ARHGEF4: variants seen among roughly 807,000 people sequenced by gnomAD.
ARHGEF4 encodes the protein APC-stimulated guanine nucleotide exchange factor 1.
In ARHGEF4, 119 loss-of-function variants were observed where a neutral mutation model predicts 162.0. The ratio of observed to expected loss-of-function variants is 0.73; its 90% confidence interval spans 0.63 to 0.86. The LOEUF (loss-of-function observed/expected upper bound fraction) is 0.86. Ranked by LOEUF, ARHGEF4 falls within the 40% of genes least tolerant of loss-of-function variation. ARHGEF4 has a pLI of 0.00. For synonymous variants in ARHGEF4, 1,014 were observed against 979.9 expected, an observed-to-expected ratio of 1.03 and a Z score of -0.65; for missense variants, 2,488 against 2,456.0, an observed-to-expected ratio of 1.01 and a Z score of -0.28.
At position 130,917,124 on chromosome 2, in the gene ARHGEF4, C is replaced by G. The variant is rs150760589; in HGVS notation, c.3178C>G (p.Arg1060Gly). Residue 1060 changes from arginine (R) to glycine (G), a missense_variant, in exon 2 of 14, where the codon CGG (arginine) becomes GGG (glycine). Physicochemically the swap from Arg to Gly is moderately radical, Grantham distance 125. Around this residue, in one of 6 missense-constraint regions of ARHGEF4, gnomAD observed 1,642 missense variants for 1,481.5 expected, o/e 1.11. Transcript: ENST00000409359. ...KSWLASPGSP[R>G]AQQAGIAHTL... The stretch of plus-strand genomic sequence containing the variant: ...CTGGCTGGCGTCCCCCGGCAGCCCT[C>G]GGGCCCAGCAGGCTGGAATCGCACA... 6.4e-7 allele frequency: 1 copy of G among 1,550,440 alleles called. No individual in the cohort carries two copies. The highest frequency in any genetic ancestry group is 1.4e-5 in the African/African-American group (1 of 73,168).
intron 3 of ARHGEF4, among the ~76,000 whole-genome samples, chr2:130,931,867 C>T (rs1682653169): frequency 6.6e-6 from 1 of 152,164 alleles, no homozygotes; most frequent in Non-Finnish European, 1.5e-5. Flanking sequence ...TTGTGAAGTA[C>T]ACATCTCTGA....
intron 4 of ARHGEF4, among the ~76,000 whole-genome samples, chr2:130,982,759 CCTTA>C (rs1686218620): frequency 6.6e-6 from 1 of 152,146 alleles, no homozygotes; most frequent in African/African-American, 2.4e-5. Flanking sequence ...CATCTCTCTC[CCTTA>C]CTTACTGATT....
At chr2:130,837,824 AG>A in intron 1 of ARHGEF4, 1 of 63,418 alleles carries the variant, frequency 1.6e-5, no homozygotes, top group Non-Finnish European at 2.9e-5. Context: ...CTGCAGGTCC[AG>A]GGGGAGGCAG....
intron 2 of ARHGEF4, among the ~76,000 whole-genome samples, chr2:130,920,268 C>T (rs1310966185): frequency 9.2e-5 from 14 of 152,252 alleles, no homozygotes; most frequent in Admixed American, 9.2e-4. Flanking sequence ...GCCACCACAC[C>T]CAGATAATTT....
intron 1 of ARHGEF4, among the ~76,000 whole-genome samples, chr2:130,902,572 C>T (rs1164446351): frequency 1.3e-5 from 2 of 150,410 alleles, no homozygotes; most frequent in East Asian, 1.9e-4. Context: ...CCAGCCTGAG[C>T]GACAGAGCGA....
chr2:131,021,076 C>T (rs1400976180), intron 4 of ARHGEF4, among the ~76,000 whole-genome samples: 1 of 152,008 alleles, frequency 6.6e-6, no homozygotes, highest in African/African-American at 2.4e-5. Context: ...ATTGTAGATT[C>T]TGGATATTAG....
chr2:130,914,003 A>G lies in ARHGEF4; in HGVS notation c.57A>G (p.Ala19=), dbSNP rs1246206383. Residue 19 remains alanine (A), a synonymous_variant, in exon 2 of 14, where the codon GCA becomes GCG. Coordinates refer to ENST00000409359, the MANE Select transcript of ARHGEF4 (RefSeq NM_001367493.1). ...CCTCCCAGACTCCAGAGCCAGGTGC[A>G]CACCTGCCAGGTGAAGGTGAGATTG... ...RSFFKTPEPG[A]HLPGEGEIED... 2.0e-6 allele frequency: 3 copies of G among 1,535,962 alleles called. No homozygotes were observed. Among genetic ancestry groups the G allele is most frequent in the Middle Eastern group, 1.7e-4 (1 of 6,012 alleles).
chr2:130,925,163 A>G (rs902319163), intron 2 of ARHGEF4, among the ~76,000 whole-genome samples: 2 of 152,124 alleles, frequency 1.3e-5, no homozygotes, highest in Non-Finnish European at 2.9e-5. Flanking sequence ...GGAGAGATAC[A>G]TACCCTAAAA....
intron 13 of ARHGEF4, 96 bp from the exon 14 acceptor site, chr2:131,045,942 A>C: frequency 6.6e-7 from 1 of 1,510,890 alleles, no homozygotes; most frequent in Non-Finnish European, 8.8e-7. Flanking sequence ...GCGGCTCTGA[A>C]GCAGAGCCCT....
chr2:130,882,204 G>A (rs1400876113), intron 1 of ARHGEF4, among the ~76,000 whole-genome samples: 1 of 152,142 alleles, frequency 6.6e-6, no homozygotes, highest in Non-Finnish European at 1.5e-5. Context: ...GTCCTGGACA[G>A]AGAGGAAATC....
intron 13 of ARHGEF4, chr2:131,045,722 G>A: frequency 6.9e-7 from 1 of 1,439,622 alleles, no homozygotes; most frequent in Non-Finnish European, 9.1e-7. Context: ...TTCCTGACAG[G>A]CATCTGGGGT....
At chr2:130,988,085 A>G (rs1192254782) in intron 4 of ARHGEF4, among the ~76,000 whole-genome samples, 1 of 152,238 alleles carries the variant, frequency 6.6e-6, no homozygotes, top group Non-Finnish European at 1.5e-5. Context: ...ACTGCCTGGC[A>G]CACAGACAGT....
At chr2:130,852,160 T>A (rs760061988) in intron 1 of ARHGEF4, among the ~76,000 whole-genome samples, 12 of 152,238 alleles carry the variant, frequency 7.9e-5, no homozygotes, top group Non-Finnish European at 1.8e-4. Context: ...GGGCTGGGGA[T>A]GCAGAGGCTC....
At chr2:131,035,233 G>T (rs1208643402) in intron 5 of ARHGEF4, 7 of 1,225,208 alleles carry the variant, frequency 5.7e-6, no homozygotes, top group Non-Finnish European at 7.1e-6. Context: ...CATCAACGTC[G>T]TACTGATCTT....
chr2:130,999,160 C>CTT (rs1249587118), intron 4 of ARHGEF4, among the ~76,000 whole-genome samples: 55 of 135,936 alleles, frequency 4.0e-4, no homozygotes, highest in Non-Finnish European at 4.2e-4. Context: ...TTTGTTTTTT[C>CTT]TTTTTTTTTT....
intron 1 of ARHGEF4, among the ~76,000 whole-genome samples, chr2:130,866,548 C>T (rs989727304): frequency 7.9e-5 from 12 of 152,106 alleles, no homozygotes; most frequent in African/African-American, 2.2e-4. Flanking sequence ...AAGGTAAGGA[C>T]GTCTCTCCTT....
chr2:130,846,860 G>A (rs1370767989), intron 1 of ARHGEF4, among the ~76,000 whole-genome samples: 2 of 152,172 alleles, frequency 1.3e-5, no homozygotes, highest in East Asian at 3.9e-4. Flanking sequence ...TCGTGAGGTG[G>A]AAGTTGTGGG....
At position 130,914,654 on chromosome 2, in the gene ARHGEF4, A is replaced by G. The variant is rs1482956524; in HGVS notation, c.708A>G (p.Glu236=). Residue 236 remains glutamate, a synonymous_variant, in exon 2 of 14, where the codon GAA becomes GAG. Coordinates refer to ENST00000409359, the MANE Select transcript of ARHGEF4 (RefSeq NM_001367493.1). ...GGCCCTTCCTTCTCTGGTGCTGTGA[A>G]CTGGGTCGGAGTTGGCCACATATCC... ...VVWPFLLWCC[E]LGRSWPHIHN... 1.4e-6 allele frequency: 2 copies of G among 1,386,972 alleles called. No individual in the cohort carries two copies. Among genetic ancestry groups the G allele is most frequent in the East Asian group, 5.2e-5 (2 of 38,214 alleles). The allele number at this position is 1,386,972 out of a possible 1,614,324, so 85.9% of individuals were successfully genotyped here. A position where few individuals can be genotyped will look rare whatever the true frequency, so the allele number is the denominator to read the frequency against.
chr2:130,885,342 T>TTC (rs1249260494), intron 1 of ARHGEF4, among the ~76,000 whole-genome samples: 1 of 151,980 alleles, frequency 6.6e-6, no homozygotes, highest in Non-Finnish European at 1.5e-5. Context: ...AACTAACATG[T>TTC]TTTTAGCTTA....
Sources: gnomAD v4.1 joint callset for allele counts (sites outside exome capture counted in the v4.1 genomes callset) on GRCh38, gnomAD v4.1.1 for gene constraint, gnomAD v4.1.1 regional missense constraint, MANE v1.5 for transcripts, NCBI Gene and HGNC (gene_info 2026-07-23, HGNC 2026-07-21) for gene names.